The following HSPBAP1 variants were observed in gnomAD, a reference collection of about 807,000 sequenced individuals.
HSPBAP1 encodes the protein HSPB1-associated protein 1.
In HSPBAP1, 27 loss-of-function variants were observed where a neutral mutation model predicts 45.2. The observed-to-expected ratio is 0.60, with a 90% CI of 0.44 to 0.82. The LOEUF (loss-of-function observed/expected upper bound fraction) is 0.82, where lower values mean the gene tolerates loss of function less well. HSPBAP1 is among the 40% of genes least tolerant of loss of function. The probability of loss-of-function intolerance (pLI) is 0.00; values close to 1 mark genes in which losing one functional copy is unlikely to be tolerated. For synonymous variants in HSPBAP1, 204 were observed against 202.7 expected (o/e 1.01, Z -0.06); for missense variants, 510 against 590.9 (o/e 0.86, Z 1.42).
chr3:122,779,232 G>T (rs1232278086), intron 1 of HSPBAP1, among the ~76,000 whole-genome samples: 2 of 151,206 alleles, frequency 1.3e-5, no homozygotes, highest in African/African-American at 4.9e-5. Context: ...TAGTAGAGAC[G>T]GGCTTTCACC....
chr3:122,759,838 A>G (rs1383486797), intron 3 of HSPBAP1, among the ~76,000 whole-genome samples: 1 of 152,242 alleles, frequency 6.6e-6, no homozygotes, highest in Non-Finnish European at 1.5e-5. Context: ...TCCTCTAAGC[A>G]GTGCAGATAT....
chr3:122,764,248 A>AT (rs1487930475), intron 3 of HSPBAP1, among the ~76,000 whole-genome samples: 1 of 152,088 alleles, frequency 6.6e-6, no homozygotes, highest in African/African-American at 2.4e-5. Context: ...ATATAAGTGG[A>AT]TTTTTTCCTA....
Position 122,767,580 on chromosome 3 carries a change from C to CA in HSPBAP1, c.432+1120dup, listed in dbSNP as rs979914325. Among the ~76,000 whole-genome samples the CA allele has an allele frequency of 1.7e-4, 26 of 150,994 alleles. No homozygotes were observed. In the South Asian group the frequency reaches 4.6e-3, roughly 27 times the overall value. On this transcript the variant is annotated intron_variant, in intron 3 of 7. Coordinates refer to ENST00000306103, the MANE Select transcript of HSPBAP1 (RefSeq NM_024610.6). ...CTCAAAACAACAATGACAACAACAA[C>CA]AAAAAAAACAACTATGGGGCAAGGT...
chr3:122,751,438 T>C (rs1464387110), intron 6 of HSPBAP1, among the ~76,000 whole-genome samples: 1 of 152,058 alleles, frequency 6.6e-6, no homozygotes, highest in Non-Finnish European at 1.5e-5. Context: ...CCAAAGTCTA[T>C]GGCCAGAATG....
intron 6 of HSPBAP1, among the ~76,000 whole-genome samples, chr3:122,745,502 A>G (rs1446186387): frequency 3.9e-5 from 6 of 152,178 alleles, no homozygotes. Flanking sequence ...AAATTCCAGA[A>G]TTAAACAATT....
At chr3:122,759,827 T>C (rs1934504181) in intron 3 of HSPBAP1, among the ~76,000 whole-genome samples, 1 of 152,206 alleles carries the variant, frequency 6.6e-6, no homozygotes, top group South Asian at 2.1e-4. Flanking sequence ...AAAGCCGTAT[T>C]TCCTCTAAGC....
intron 2 of HSPBAP1, among the ~76,000 whole-genome samples, chr3:122,773,690 T>G (rs987107640): frequency 6.6e-6 from 1 of 152,132 alleles, no homozygotes; most frequent in Non-Finnish European, 1.5e-5. Context: ...CAGGCTTGAG[T>G]GCAGTAGCAT....
chr3:122,746,202 TG>T (rs1933841716), intron 6 of HSPBAP1, among the ~76,000 whole-genome samples: 1 of 151,762 alleles, frequency 6.6e-6, no homozygotes, highest in Non-Finnish European at 1.5e-5. Context: ...AAACTGAACT[TG>T]GATACATGGA....
intron 2 of HSPBAP1, among the ~76,000 whole-genome samples, chr3:122,771,390 AT>A (rs1219386570): frequency 6.6e-6 from 1 of 152,200 alleles, no homozygotes; most frequent in Non-Finnish European, 1.5e-5. Flanking sequence ...GGCAACTATA[AT>A]GTTCATCCTA....
At chr3:122,752,288 G>A (rs547870426) in intron 6 of HSPBAP1, among the ~76,000 whole-genome samples, 2 of 152,256 alleles carry the variant, frequency 1.3e-5, no homozygotes, top group East Asian at 1.9e-4. Context: ...CGGCAAATCT[G>A]GCCAGGCCCA....
intron 5 of HSPBAP1, chr3:122,753,197 TGGAA>T (rs3053573): frequency 0.34 from 64,156 of 186,740 alleles, 10,640 homozygotes; most frequent in East Asian, 0.68. Context: ...GCAACATGGA[TGGAA>T]GAAGTGTGAT....
chr3:122,758,231 G>A (rs528286795), intron 4 of HSPBAP1, among the ~76,000 whole-genome samples: 1 of 152,316 alleles, frequency 6.6e-6, no homozygotes, highest in East Asian at 1.9e-4. Flanking sequence ...TCATTAATTA[G>A]GGGAAAATAA....
intron 5 of HSPBAP1, chr3:122,754,922 T>C: frequency 9.8e-7 from 1 of 1,018,558 alleles, no homozygotes; most frequent in Non-Finnish European, 1.2e-6. Context: ...TGTGATTAAA[T>C]GTTCCAGAGA....
At chr3:122,792,561 C>T (rs1267665774) in intron 1 of HSPBAP1, among the ~76,000 whole-genome samples, 1 of 152,042 alleles carries the variant, frequency 6.6e-6, no homozygotes, top group African/African-American at 2.4e-5. Context: ...TAAATACATC[C>T]ATCCTTTTCT....
chr3:122,780,652 G>A (rs1197240721), intron 1 of HSPBAP1, among the ~76,000 whole-genome samples: 1 of 150,382 alleles, frequency 6.6e-6, no homozygotes, highest in South Asian at 2.1e-4. Context: ...CAGGCGGGGG[G>A]CTGACCCCCC....
At chr3:122,761,058 C>A (rs1934565883) in intron 3 of HSPBAP1, among the ~76,000 whole-genome samples, 1 of 152,194 alleles carries the variant, frequency 6.6e-6, no homozygotes, top group Non-Finnish European at 1.5e-5. Flanking sequence ...GAGGGCCCTG[C>A]ACCCAGCCAG....
intron 3 of HSPBAP1, among the ~76,000 whole-genome samples, chr3:122,768,133 A>G (rs1035192849): frequency 6.6e-6 from 1 of 152,242 alleles, no homozygotes; most frequent in Non-Finnish European, 1.5e-5. Context: ...TTATGTCAAC[A>G]TACGGCAAAG....
chr3:122,769,716 A>G (rs944403395), intron 2 of HSPBAP1, among the ~76,000 whole-genome samples: 3 of 152,180 alleles, frequency 2.0e-5, no homozygotes, highest in African/African-American at 7.2e-5. Flanking sequence ...GGTCTTGCTC[A>G]TCATACAGGC....
chr3:122,741,331 G>T, intron 6 of HSPBAP1: 1 of 559,878 alleles, frequency 1.8e-6, no homozygotes, highest in South Asian at 2.2e-5. Flanking sequence ...ATTTAAGTAT[G>T]TATTCTATCT....
Sources: allele counts gnomAD v4.1 joint callset (sites outside exome capture counted in the v4.1 genomes callset), GRCh38; gene constraint gnomAD v4.1.1; transcripts MANE v1.5; gene names NCBI Gene and HGNC (gene_info 2026-07-23, HGNC 2026-07-21).